AK7: variants seen among roughly 807,000 people sequenced by gnomAD.
AK7 encodes ATP-AMP transphosphorylase 7.
Under a neutral mutation model 96.6 loss-of-function variants are expected in AK7, and 78 were observed. The ratio of observed to expected loss-of-function variants is 0.81; its 90% confidence interval spans 0.67 to 0.97. The LOEUF (loss-of-function observed/expected upper bound fraction) is 0.97, where lower values mean the gene tolerates loss of function less well. AK7 is among the 50% of genes least tolerant of loss of function. AK7 has a pLI of 0.00. For synonymous variants in AK7, 302 were observed against 317.2 expected, an observed-to-expected ratio of 0.95 and a Z score of 0.51; for missense variants, 855 against 887.9, an observed-to-expected ratio of 0.96 and a Z score of 0.47.
At chr14:96,411,995 G>A (rs373509689) in intron 4 of AK7, among the ~76,000 whole-genome samples, 131 of 152,296 alleles carry the variant, frequency 8.6e-4, no homozygotes, top group Non-Finnish European at 1.0e-3. Flanking sequence ...CTCTGCTTCT[G>A]TCTCTTTGTC....
chr14:96,485,840 G>A (rs1336847015), intron 16 of AK7, among the ~76,000 whole-genome samples: 1 of 147,286 alleles, frequency 6.8e-6, no homozygotes, highest in African/African-American at 2.5e-5. Context: ...CTGTCGCCCA[G>A]GCTGGAGTGC....
At chr14:96,414,657 C>T (rs1354689467) in intron 4 of AK7, among the ~76,000 whole-genome samples, 1 of 151,632 alleles carries the variant, frequency 6.6e-6, no homozygotes, top group Admixed American at 6.6e-5. Context: ...GTGTGGTAGG[C>T]GCTATGTCTG....
chr14:96,452,164 C>A (rs1415014331), intron 10 of AK7, among the ~76,000 whole-genome samples: 1 of 152,040 alleles, frequency 6.6e-6, no homozygotes, highest in Non-Finnish European at 1.5e-5. Context: ...GTATCCTGTA[C>A]AACATAAAGT....
chr14:96,447,734 G>A (rs554057475), intron 8 of AK7, among the ~76,000 whole-genome samples: 15 of 152,120 alleles, frequency 9.9e-5, no homozygotes, highest in African/African-American at 2.6e-4. Flanking sequence ...AAGTGATCCT[G>A]CCACCTCGGC....
rs1000589852 is a variant in AK7 at position 96,396,356 on chromosome 14, C to T, written c.106-1719C>T. ...ATGAGGAATATAAGAGAAATGGAAG[C>T]TGTGTCTCGTCGTTAGGCTTACAAT... On this transcript the variant is annotated intron_variant, in intron 1 of 17. Coordinates refer to ENST00000267584, the MANE Select transcript of AK7 (RefSeq NM_152327.5). Among the ~76,000 whole-genome samples the T allele has an allele frequency of 2.0e-5, 3 of 152,176 alleles. No individual in the cohort carries two copies. In the East Asian group the frequency reaches 5.8e-4, roughly 29 times the overall value.
chr14:96,459,919 G>A (rs964427528), intron 12 of AK7, among the ~76,000 whole-genome samples: 3 of 152,108 alleles, frequency 2.0e-5, no homozygotes, highest in African/African-American at 7.2e-5. Context: ...AATGAAATGG[G>A]CCAATACGTA....
chr14:96,472,961 A>G (rs1894979083), intron 14 of AK7, among the ~76,000 whole-genome samples: 1 of 152,064 alleles, frequency 6.6e-6, no homozygotes, highest in African/African-American at 2.4e-5. Flanking sequence ...GTGTGCCTGT[A>G]GTCCTAGCTA....
intron 7 of AK7, among the ~76,000 whole-genome samples, chr14:96,445,294 C>T (rs1202433623): frequency 6.6e-6 from 1 of 152,004 alleles, no homozygotes; most frequent in East Asian, 1.9e-4. Flanking sequence ...CATTTTTTCC[C>T]CAGAGGTTTC....
intron 5 of AK7, among the ~76,000 whole-genome samples, chr14:96,436,192 G>C (rs1487629185): frequency 6.6e-6 from 1 of 152,052 alleles, no homozygotes; most frequent in Non-Finnish European, 1.5e-5. Context: ...AGCCCTTTAG[G>C]CTAAATTTTC....
chr14:96,397,943 G>A, intron 1 of AK7, 132 bp from the exon 2 acceptor site: 2 of 819,672 alleles, frequency 2.4e-6, no homozygotes, highest in South Asian at 1.7e-5. Context: ...AGATGACAGT[G>A]TGCAAAGCAT....
At chr14:96,457,169 T>C (rs1296917105) in intron 11 of AK7, 1 of 150,114 alleles carries the variant, frequency 6.7e-6, no homozygotes, top group Non-Finnish European at 1.5e-5. Flanking sequence ...CAAGCAGTTC[T>C]CCTGCCTCAG....
chr14:96,481,689 C>T (rs1047090368), intron 15 of AK7, among the ~76,000 whole-genome samples: 2 of 150,426 alleles, frequency 1.3e-5, no homozygotes, highest in South Asian at 2.1e-4. Context: ...GAGGAGCTAC[C>T]GATATGACTT....
At chr14:96,487,872 C>A in intron 17 of AK7, 1 of 234,922 alleles carries the variant, frequency 4.3e-6, no homozygotes, top group South Asian at 5.0e-5. Context: ...TTTTATTATT[C>A]ATTTGAAAGT....
chr14:96,398,113 A>C lies in AK7; in HGVS notation c.144A>C (p.Glu48Asp), dbSNP rs777278463. 1 of 1,614,034 alleles carries C rather than the reference A, an allele frequency of 6.2e-7. No homozygotes were observed. Among genetic ancestry groups the C allele is most frequent in the Non-Finnish European group, 8.5e-7 (1 of 1,180,042 alleles). The change falls in exon 2 of 18, where the codon GAA becomes GAC. Residue 48 changes from glutamate to aspartate, a missense_variant. Coordinates refer to ENST00000267584, the MANE Select transcript of AK7 (RefSeq NM_152327.5). ...SNCVVGASLE[E>D]ITEEEEEEDE... The stretch of plus-strand genomic sequence containing the variant: ...GTGTAGTTGGGGCTTCGCTTGAAGA[A>C]ATTACAGAGGAAGAGGAAGAGGAAG...
chr14:96,446,984 GT>G (rs1893274171), intron 8 of AK7, among the ~76,000 whole-genome samples: 1 of 152,010 alleles, frequency 6.6e-6, no homozygotes, highest in African/African-American at 2.4e-5. Flanking sequence ...AAATTAAAAA[GT>G]TTTGCCCCCA....
chr14:96,392,810 C>T (rs1440384613), intron 1 of AK7, among the ~76,000 whole-genome samples: 2 of 152,010 alleles, frequency 1.3e-5, no homozygotes, highest in African/African-American at 4.8e-5. Flanking sequence ...CTACAGGCGC[C>T]CGACACCGCG....
intron 5 of AK7, among the ~76,000 whole-genome samples, chr14:96,434,900 G>A (rs989706708): frequency 1.3e-5 from 2 of 152,210 alleles, no homozygotes; most frequent in African/African-American, 4.8e-5. Context: ...TGACAGACTA[G>A]TGCTGATGTT....
At chr14:96,392,545 A>G (rs1437838703) in intron 1 of AK7, among the ~76,000 whole-genome samples, 2 of 152,266 alleles carry the variant, frequency 1.3e-5, no homozygotes, top group Non-Finnish European at 2.9e-5. Flanking sequence ...GGACTTGCCC[A>G]AGATCACATA....
Position 96,471,622 on chromosome 14 carries a change from CTATTT to C in AK7, c.1486+18_1486+22del, listed in dbSNP as rs771028966. 15 of 1,513,820 alleles carry C rather than the reference CTATTT, an allele frequency of 9.9e-6. No individual in the cohort carries two copies. In the East Asian group the frequency reaches 3.4e-4, roughly 34 times the overall value. 93.8% of individuals were successfully genotyped at this position (1,513,820 alleles called of 1,614,324 possible). The stretch of plus-strand genomic sequence containing the variant: ...CTGTTCAATCGTAAGTTTGAGTGTT[CTATTT>C]TGAGTATTTATATTCAGATAAGTTG... On this transcript the variant is annotated intron_variant, in intron 13 of 17. Transcript: ENST00000267584.
Sources: allele counts gnomAD v4.1 joint callset (sites outside exome capture counted in the v4.1 genomes callset), GRCh38; gene constraint gnomAD v4.1.1; transcripts MANE v1.5; gene names NCBI Gene and HGNC (gene_info 2026-07-23, HGNC 2026-07-21).